The following PLEKHG1 variants were observed in gnomAD, a reference collection of about 807,000 sequenced individuals.
PLEKHG1 encodes the protein pleckstrin homology domain-containing family G member 1.
In PLEKHG1, 44 loss-of-function variants were observed where a neutral mutation model predicts 100.8. The observed-to-expected ratio is 0.44, with a 90% CI of 0.34 to 0.56. The LOEUF (loss-of-function observed/expected upper bound fraction) is 0.56. PLEKHG1 is among the 20% of genes least tolerant of loss of function. The probability of loss-of-function intolerance (pLI) is 0.01; values close to 1 mark genes in which losing one functional copy is unlikely to be tolerated. For synonymous variants in PLEKHG1, 640 were observed against 662.5 expected, an observed-to-expected ratio of 0.97 and a Z score of 0.52; for missense variants, 1,545 against 1,720.9, an observed-to-expected ratio of 0.90 and a Z score of 1.81.
chr6:150,761,099 C>CTTTTTTTTTTTTTTTT (rs35068801), intron 2 of PLEKHG1, among the ~76,000 whole-genome samples: 3 of 95,950 alleles, frequency 3.1e-5, no homozygotes, highest in South Asian at 3.7e-4. Context: ...TTCTTTTTTT[C>CTTTTTTTTTTTTTTTT]TTTTTTTTTT....
exon 16 of PLEKHG1, chr6:150,840,660 G>T (rs779286093): frequency 4.3e-6 from 7 of 1,614,142 alleles, no homozygotes; most frequent in Non-Finnish European, 5.9e-6. Flanking sequence ...AAAGTTTGTG[G>T]ATGCTGACTT....
At chr6:150,804,881 C>T in intron 7 of PLEKHG1, 140 bp downstream of exon 8, 1 of 660,880 alleles carries the variant, frequency 1.5e-6, no homozygotes, top group Non-Finnish European at 2.5e-6. Flanking sequence ...AAGTTCAGGA[C>T]ATCAGTAATA....
At chr6:150,810,591 C>G (rs979817816) in intron 10 of PLEKHG1, among the ~76,000 whole-genome samples, 2 of 148,762 alleles carry the variant, frequency 1.3e-5, no homozygotes, top group African/African-American at 5.0e-5. Context: ...TATATAGGAA[C>G]TACATCTCAG....
intron 1 of PLEKHG1, among the ~76,000 whole-genome samples, chr6:150,721,837 T>G (rs1031390271): frequency 1.3e-5 from 2 of 152,348 alleles, no homozygotes; most frequent in Admixed American, 1.3e-4. Flanking sequence ...GGCTTCATTA[T>G]TTGAATTTAA....
intron 2 of PLEKHG1, among the ~76,000 whole-genome samples, chr6:150,745,429 C>T (rs1042195810): frequency 2.0e-5 from 3 of 152,114 alleles, no homozygotes; most frequent in Admixed American, 1.3e-4. Flanking sequence ...ATGCCTGTGG[C>T]TCATGCACTG....
chr6:150,673,239 T>C (rs1272900083), intron 3 of PLEKHG1, among the ~76,000 whole-genome samples: 1 of 152,224 alleles, frequency 6.6e-6, no homozygotes, highest in Non-Finnish European at 1.5e-5. Flanking sequence ...AAAAAACTTT[T>C]AAGGTAAGCT....
At chr6:150,759,051 C>A (rs191484772) in intron 2 of PLEKHG1, among the ~76,000 whole-genome samples, 1 of 152,024 alleles carries the variant, frequency 6.6e-6, no homozygotes, top group African/African-American at 2.4e-5. Context: ...TTCTGTGGGA[C>A]GAGGTATATA....
chr6:150,624,907 T>C (rs1232494762), intron 1 of PLEKHG1: 1 of 152,194 alleles, frequency 6.6e-6, no homozygotes, highest in African/African-American at 2.4e-5. Flanking sequence ...AAGATTTTTT[T>C]AGGCCAGGCG....
chr6:150,608,210 T>C (rs1540660), intron 1 of PLEKHG1, among the ~76,000 whole-genome samples: 47,936 of 152,064 alleles, frequency 0.32, 8,033 homozygotes, highest in East Asian at 0.41. Flanking sequence ...TATGAAACAC[T>C]CTTATTTTTC....
intron 9 of PLEKHG1, 53 bp from the exon 11 acceptor site, chr6:150,809,595 T>C: frequency 1.3e-6 from 2 of 1,534,680 alleles, no homozygotes; most frequent in Non-Finnish European, 1.8e-6. Flanking sequence ...CATCAGAGGG[T>C]CCTGTGGGTG....
intron 2 of PLEKHG1, among the ~76,000 whole-genome samples, chr6:150,742,058 A>T (rs1782886934): frequency 6.6e-6 from 1 of 152,248 alleles, no homozygotes; most frequent in South Asian, 2.1e-4. Flanking sequence ...GTGTTTCATT[A>T]AGGATAGGCT....
intron 2 of PLEKHG1, among the ~76,000 whole-genome samples, chr6:150,754,669 C>CTTT (rs1203495060): frequency 7.8e-4 from 105 of 134,906 alleles, no homozygotes; most frequent in African/African-American, 2.5e-3. Context: ...GACTTTCTTT[C>CTTT]TTTTTTTTTT....
chr6:150,737,281 A>ATTCCTTTTTTT (rs1298907384), intron 2 of PLEKHG1, among the ~76,000 whole-genome samples: 1 of 117,032 alleles, frequency 8.5e-6, no homozygotes, highest in Admixed American at 9.2e-5. Flanking sequence ...TCATATGGGT[A>ATTCCTTTTTTT]TTTTTTTTTT....
chr6:150,728,061 A>G (rs1295531910), intron 1 of PLEKHG1, among the ~76,000 whole-genome samples: 2 of 152,216 alleles, frequency 1.3e-5, no homozygotes, highest in African/African-American at 2.4e-5. Context: ...TCCCAACTCT[A>G]TTTTTGCTAA....
chr6:150,760,105 A>C (rs575739913), intron 2 of PLEKHG1, among the ~76,000 whole-genome samples: 1 of 152,344 alleles, frequency 6.6e-6, no homozygotes, highest in South Asian at 2.1e-4. Context: ...TCCCCATATT[A>C]AAAACCCTTT....
chr6:150,661,085 C>A (rs1779170421), intron 3 of PLEKHG1, among the ~76,000 whole-genome samples: 1 of 152,052 alleles, frequency 6.6e-6, no homozygotes, highest in South Asian at 2.1e-4. Flanking sequence ...AAGGTTTCCT[C>A]CCCTGGAATA....
At chr6:150,826,040 G>A (rs973720800) in intron 14 of PLEKHG1, among the ~76,000 whole-genome samples, 1 of 151,954 alleles carries the variant, frequency 6.6e-6, no homozygotes, top group African/African-American at 2.4e-5. Context: ...AATCAGCAGG[G>A]CGTGGTCGTG....
At chr6:150,656,288 AT>A (rs1778968379) in intron 3 of PLEKHG1, among the ~76,000 whole-genome samples, 2 of 152,096 alleles carry the variant, frequency 1.3e-5, no homozygotes, top group Admixed American at 1.3e-4. Context: ...TAAAAAAAAA[AT>A]ACTTGTTTTC....
rs563643374 is a variant in PLEKHG1 at position 150,697,357 on chromosome 6, G to A, written c.-98-36227G>A. Among the ~76,000 whole-genome samples the A allele has an allele frequency of 1.2e-4, 18 of 152,324 alleles. No individual in the cohort carries two copies. The South Asian group carries it at 3.3e-3, about 28-fold the overall frequency. The stretch of plus-strand genomic sequence containing the variant: ...GCAGTGAGCTTGGACTCAGTCCTGT[G>A]CCTAGGAAGACTATCTTAGCTCTTG... On this transcript the variant is annotated intron_variant, in intron 3 of 3. Transcript: ENST00000367326.
Sources: gnomAD v4.1 joint callset for allele counts (sites outside exome capture counted in the v4.1 genomes callset) on GRCh38, gnomAD v4.1.1 for gene constraint, MANE v1.5 for transcripts, NCBI Gene and HGNC (gene_info 2026-07-23, HGNC 2026-07-21) for gene names.